ARSB: variants seen among roughly 807,000 people sequenced by gnomAD.
The protein encoded by ARSB is arylsulfatase B.
In ARSB, 41 loss-of-function variants were observed where a neutral mutation model predicts 50.9. That is an observed-to-expected ratio of 0.81 (90% confidence interval 0.63 to 1.04). The LOEUF is 1.04. Ranked by LOEUF, ARSB falls within the 50% of genes least tolerant of loss-of-function variation. ARSB has a pLI of 0.00. For synonymous variants in ARSB, 269 were observed against 284.8 expected, an observed-to-expected ratio of 0.94 and a Z score of 0.56; for missense variants, 672 against 693.3, an observed-to-expected ratio of 0.97 and a Z score of 0.35.
chr5:78,885,848 G>A, intron 4 of ARSB, 21 bp from the exon 5 acceptor site: 1 of 1,614,078 alleles, frequency 6.2e-7, no homozygotes, highest in Non-Finnish European at 8.5e-7. Flanking sequence ...GTAAGGTCTT[G>A]GCATGAGGAT....
intron 6 of ARSB, among the ~76,000 whole-genome samples, chr5:78,798,242 G>A (rs190341267): frequency 6.6e-6 from 1 of 152,294 alleles, no homozygotes; most frequent in African/African-American, 2.4e-5. Flanking sequence ...GCCATCTCCA[G>A]TTCTGGCACC....
chr5:78,847,289 G>A (rs1035749409), intron 5 of ARSB, among the ~76,000 whole-genome samples: 22 of 151,976 alleles, frequency 1.4e-4, no homozygotes, highest in African/African-American at 5.3e-4. Flanking sequence ...ACCATGCCTG[G>A]CTAATTTTTA....
At chr5:78,824,816 A>AT (rs1437945174) in intron 6 of ARSB, among the ~76,000 whole-genome samples, 3 of 152,216 alleles carry the variant, frequency 2.0e-5, no homozygotes, top group Non-Finnish European at 4.4e-5. Flanking sequence ...TGCCAAGATT[A>AT]TTGTCCTCTT....
At chr5:78,912,106 C>G (rs1749337459) in intron 4 of ARSB, among the ~76,000 whole-genome samples, 1 of 152,188 alleles carries the variant, frequency 6.6e-6, no homozygotes, top group South Asian at 2.1e-4. Flanking sequence ...TTCATCAATT[C>G]TGAAACTACC....
intron 3 of ARSB, among the ~76,000 whole-genome samples, chr5:78,960,149 A>T (rs1191448668): frequency 6.6e-6 from 1 of 152,226 alleles, no homozygotes; most frequent in Non-Finnish European, 1.5e-5. Context: ...TGAAATCATT[A>T]CTAAATATCT....
chr5:78,957,780 G>C (rs902775066), intron 3 of ARSB, among the ~76,000 whole-genome samples: 1 of 151,972 alleles, frequency 6.6e-6, no homozygotes, highest in Non-Finnish European at 1.5e-5. Context: ...TCTTGGCTGC[G>C]ATGTCTGGAG....
At chr5:78,813,312 C>A (rs1259320447) in intron 6 of ARSB, among the ~76,000 whole-genome samples, 1 of 152,212 alleles carries the variant, frequency 6.6e-6, no homozygotes, top group Non-Finnish European at 1.5e-5. Flanking sequence ...GATCCACCCA[C>A]CTCAGCCTCC....
intron 6 of ARSB, among the ~76,000 whole-genome samples, chr5:78,824,308 T>A (rs1023258195): frequency 2.6e-5 from 4 of 152,242 alleles, no homozygotes; most frequent in Non-Finnish European, 5.9e-5. Flanking sequence ...TACATCTCTG[T>A]CTTTAATTAG....
At chr5:78,944,552 C>G (rs1037670640) in intron 4 of ARSB, among the ~76,000 whole-genome samples, 4 of 152,170 alleles carry the variant, frequency 2.6e-5, no homozygotes, top group Non-Finnish European at 5.9e-5. Flanking sequence ...ACTCCAGACC[C>G]TGTTTGCCTG....
intron 4 of ARSB, among the ~76,000 whole-genome samples, chr5:78,925,451 T>G (rs1211367748): frequency 1.3e-5 from 2 of 152,144 alleles, no homozygotes; most frequent in Admixed American, 6.5e-5. Context: ...GGACTTTGCC[T>G]CCGAGAAGCT....
At chr5:78,802,703 T>C (rs1008657160) in intron 6 of ARSB, among the ~76,000 whole-genome samples, 26 of 152,148 alleles carry the variant, frequency 1.7e-4, no homozygotes, top group African/African-American at 5.8e-4. Flanking sequence ...AGCACTCAAG[T>C]TCTTGAGGGG....
chr5:78,795,442 T>C (rs1310443094), intron 6 of ARSB, among the ~76,000 whole-genome samples: 1 of 152,182 alleles, frequency 6.6e-6, no homozygotes, highest in Non-Finnish European at 1.5e-5. Context: ...ATTATAGACC[T>C]TTCACAGGCA....
intron 6 of ARSB, among the ~76,000 whole-genome samples, chr5:78,818,598 CTTTTTTTTTTTTTT>C (rs775162579): frequency 6.1e-4 from 45 of 74,162 alleles, no homozygotes; most frequent in African/African-American, 1.0e-3. Flanking sequence ...AAATAAAGCT[CTTTTTTTTTTTTTT>C]TTTTTTTTTT....
intron 4 of ARSB, among the ~76,000 whole-genome samples, chr5:78,952,933 T>C (rs1319779310): frequency 1.3e-5 from 2 of 152,216 alleles, no homozygotes; most frequent in Non-Finnish European, 2.9e-5. Flanking sequence ...TTTTTTTTAA[T>C]TGATTCTTTC....
chr5:78,818,140 T>C (rs140099196), intron 6 of ARSB, among the ~76,000 whole-genome samples: 15 of 149,744 alleles, frequency 1.0e-4, no homozygotes, highest in African/African-American at 2.6e-4. Context: ...AGAGCAAGAC[T>C]CCGTCCCCCT....
Position 78,985,135 on chromosome 5 carries a change from GC to G in ARSB, c.113del (p.Gly38AlafsTer18), listed in dbSNP as rs1349838988. On this transcript the variant is annotated frameshift_variant, in exon 1 of 8. Coordinates refer to ENST00000264914, the MANE Select transcript of ARSB (RefSeq NM_000046.5). LOFTEE classifies it high-confidence loss of function. ...LLLLLAPPGSGAGASRPPHLV... is the reference protein window; with the variant it reads ...LLLLLAPPGSXAGASRPPHLV... Reference sequence around the variant, plus strand: ...GGTGGGGCGGCCGGCTGGCCCCGGCGCCCGAGCCCGGCGGCGCCAACAACAG... The same window carrying G: ...GGTGGGGCGGCCGGCTGGCCCCGGCGCCGAGCCCGGCGGCGCCAACAACAG... The G allele has an allele frequency of 6.8e-6, 10 of 1,464,108 alleles. No individual in the cohort carries two copies. Among genetic ancestry groups the G allele is most frequent in the Non-Finnish European group, 9.0e-6 (10 of 1,107,108 alleles). 90.7% of individuals were successfully genotyped at this position (1,464,108 alleles called of 1,614,324 possible).
chr5:78,910,386 G>A (rs1749255958), intron 4 of ARSB, among the ~76,000 whole-genome samples: 1 of 152,214 alleles, frequency 6.6e-6, no homozygotes, highest in Non-Finnish European at 1.5e-5. Context: ...AATGTCATCT[G>A]AAGGTCCAAT....
chr5:78,808,602 G>A (rs1318345424), intron 6 of ARSB, among the ~76,000 whole-genome samples: 2 of 152,246 alleles, frequency 1.3e-5, no homozygotes, highest in African/African-American at 4.8e-5. Context: ...TGTACTGGGT[G>A]GAGTGAGATT....
In ARSB at chr5:78,780,325, T is replaced by G; in HGVS notation, c.*72A>C. On this transcript the variant is annotated 3_prime_UTR_variant, in exon 8 of 8. Coordinates refer to ENST00000264914, the MANE Select transcript of ARSB (RefSeq NM_000046.5). Reference sequence around the variant, plus strand: ...AGTGAACCCAGGTTGGGATAACAAATGAGACAAGAGTCGTGAGAAAAGGCC... The same window carrying G: ...AGTGAACCCAGGTTGGGATAACAAAGGAGACAAGAGTCGTGAGAAAAGGCC... The G allele has an allele frequency of 4.9e-5, 79 of 1,603,804 alleles. No homozygotes were observed. The highest frequency in any genetic ancestry group is 6.2e-5 in the Non-Finnish European group (73 of 1,173,704).
Sources: allele counts gnomAD v4.1 joint callset (sites outside exome capture counted in the v4.1 genomes callset), GRCh38; gene constraint gnomAD v4.1.1; transcripts MANE v1.5; gene names NCBI Gene and HGNC (gene_info 2026-07-23, HGNC 2026-07-21).